Variants in ANKRD18B observed in about 807,000 individuals in gnomAD.
The protein encoded by ANKRD18B is ankyrin repeat domain-containing protein 18B.
A neutral mutation model predicts 111.8 loss-of-function variants in ANKRD18B; 75 were observed. The observed-to-expected ratio is 0.67, with a 90% CI of 0.56 to 0.81. The LOEUF (loss-of-function observed/expected upper bound fraction) is 0.81, where lower values mean the gene tolerates loss of function less well. ANKRD18B is among the 40% of genes least tolerant of loss of function. The probability of loss-of-function intolerance (pLI) is 0.00; values close to 1 mark genes in which losing one functional copy is unlikely to be tolerated. For synonymous variants in ANKRD18B, 356 were observed against 417.3 expected, an observed-to-expected ratio of 0.85 and a Z score of 1.79; for missense variants, 1,038 against 1,225.5, an observed-to-expected ratio of 0.85 and a Z score of 2.28.
At chr9:33,554,906 G>T (rs1050487893) in intron 12 of ANKRD18B, among the ~76,000 whole-genome samples, 1 of 151,834 alleles carries the variant, frequency 6.6e-6, no homozygotes, top group Non-Finnish European at 1.5e-5. Flanking sequence ...AATTGTGACA[G>T]GTTCATAACT....
chr9:33,528,890 G>A, intron 2 of ANKRD18B, 49 bp downstream of exon 2: 1 of 1,559,978 alleles, frequency 6.4e-7, no homozygotes, highest in Non-Finnish European at 8.7e-7. Context: ...TAAATACATA[G>A]AATTAAAATG....
At chr9:33,571,759 A>C (rs552739493) in intron 18 of ANKRD18B, 1 of 154,418 alleles carries the variant, frequency 6.5e-6, no homozygotes, top group South Asian at 2.0e-4. Flanking sequence ...CTCTAGCACC[A>C]AAGTGGACAG....
intron 13 of ANKRD18B, among the ~76,000 whole-genome samples, chr9:33,557,459 A>C (rs891920693): frequency 6.6e-6 from 1 of 152,244 alleles, no homozygotes; most frequent in Admixed American, 6.5e-5. Context: ...TCATCTTAGC[A>C]TACCAAAATG....
chr9:33,541,182 A>G lies in ANKRD18B; in HGVS notation c.1033A>G (p.Arg345Gly), dbSNP rs1563901890. Reference sequence around the variant, plus strand: ...TATGAAGCCTGAAAATTTGAAAAAAAGAAAAAAAAGAAAAAAATTGAAAAA... The same window carrying G: ...TATGAAGCCTGAAAATTTGAAAAAAGGAAAAAAAAGAAAAAAATTGAAAAA... The part of the protein sequence containing the change: ...AAMKPENLKK[R>G]KKRKKLKKRK... The change falls in exon 9 of 19, where the codon AGA becomes GGA. Residue 345 changes from arginine (R) to glycine (G), a missense_variant. Arg to Gly is a moderately radical substitution (Grantham distance 125). This residue lies in a region of ANKRD18B where 205 missense variants were observed against 201.3 expected (regional missense o/e 1.02). Coordinates refer to ENST00000684830, the MANE Select transcript of ANKRD18B (RefSeq NM_001393611.1). 2.6e-6 allele frequency: 4 copies of G among 1,543,940 alleles called. No homozygotes were observed. The highest frequency in any genetic ancestry group is 2.4e-5 in the South Asian group (2 of 81,902).
At chr9:33,525,444 A>C (rs1480170537) in intron 1 of ANKRD18B, among the ~76,000 whole-genome samples, 1 of 152,264 alleles carries the variant, frequency 6.6e-6, no homozygotes, top group East Asian at 1.9e-4. Flanking sequence ...TGAGTAGGAA[A>C]GGACGAGTTA....
intron 13 of ANKRD18B, 76 bp from the exon 14 acceptor site, chr9:33,557,982 C>T: frequency 7.6e-7 from 1 of 1,311,608 alleles, no homozygotes; most frequent in Non-Finnish European, 1.0e-6. Flanking sequence ...TATGCCATAA[C>T]ATAGTATCTG....
At chr9:33,526,043 T>C (rs1428058229) in intron 1 of ANKRD18B, among the ~76,000 whole-genome samples, 1 of 152,158 alleles carries the variant, frequency 6.6e-6, no homozygotes, top group Non-Finnish European at 1.5e-5. Flanking sequence ...ATCCTTAGTG[T>C]TTCTCCTAAG....
chr9:33,533,394 A>G, intron 3 of ANKRD18B, 45 bp from the exon 4 acceptor site: 4 of 1,501,372 alleles, frequency 2.7e-6, no homozygotes, highest in Non-Finnish European at 3.5e-6. Context: ...TCAGTGGAGA[A>G]ATATGTAATT....
At position 33,548,389 on chromosome 9, in the gene ANKRD18B, C is replaced by T. The variant is rs1828395243; in HGVS notation, c.1601C>T (p.Ser534Phe). ...CATGAAACAATGGGTTCTAATATTT[C>T]TCAACTAACAGATAAGAATGAGTTG... ...SRHETMGSNISQLTDKNELLT... is the reference protein window; with the variant it reads ...SRHETMGSNIFQLTDKNELLT... Residue 534 changes from serine to phenylalanine, a missense_variant, in exon 11 of 19, where the codon TCT becomes TTT. This residue lies in a region of ANKRD18B where 524 missense variants were observed against 677.9 expected (regional missense o/e 0.77). Transcript: ENST00000684830. The T allele has an allele frequency of 6.4e-7, 1 of 1,550,730 alleles. No homozygotes were observed.
At position 33,568,901 on chromosome 9, in the gene ANKRD18B, A is replaced by G; in HGVS notation, c.3177+8A>G. The G allele has an allele frequency of 6.5e-7, 1 of 1,527,340 alleles. No individual in the cohort carries two copies. Among genetic ancestry groups the G allele is most frequent in the South Asian group, 1.3e-5 (1 of 79,460 alleles). 94.6% of individuals were successfully genotyped at this position (1,527,340 alleles called of 1,614,324 possible). A position where few individuals can be genotyped will look rare whatever the true frequency, so the allele number is the denominator to read the frequency against. On this transcript the variant is annotated splice_region_variant and intron_variant, in intron 17 of 18. Transcript: ENST00000684830. The stretch of plus-strand genomic sequence containing the variant: ...AAGAACTCCTTGACTGAGGTTAGTT[A>G]TATGACCATTTCTCTTTTGGGTTTC...
intron 13 of ANKRD18B, among the ~76,000 whole-genome samples, chr9:33,556,540 T>C (rs1177397927): frequency 6.6e-6 from 1 of 152,194 alleles, no homozygotes; most frequent in Non-Finnish European, 1.5e-5. Flanking sequence ...CATGAGCCAC[T>C]GCGCTTAGCA....
At chr9:33,524,957 C>T in intron 1 of ANKRD18B, among the ~76,000 whole-genome samples, 1 of 149,146 alleles carries the variant, frequency 6.7e-6, no homozygotes, top group East Asian at 2.0e-4. Context: ...AGAACTCATT[C>T]CCATGTCAAA....
At position 33,529,046 on chromosome 9, in the gene ANKRD18B, G is replaced by A. The variant is rs745968858; in HGVS notation, c.368G>A (p.Arg123His). The A allele has an allele frequency of 3.6e-5, 58 of 1,612,092 alleles. No homozygotes were observed. The highest frequency in any genetic ancestry group is 4.2e-5 in the Non-Finnish European group (49 of 1,179,846). Reference protein sequence around the residue: ...EEACAIILLKRGANPNIKDIY... With the variant: ...EEACAIILLKHGANPNIKDIY... ...GCTTGTGCCATTATTCTCCTGAAAC[G>A]TGGCGCCAATCCAAACATTAAGGAT... is the stretch of plus-strand genomic sequence containing the variant. The change falls in exon 3 of 19, where the codon CGT becomes CAT. Residue 123 changes from arginine to histidine, a missense_variant. Arg to His is a conservative substitution (Grantham distance 29). Coordinates refer to ENST00000684830, the MANE Select transcript of ANKRD18B (RefSeq NM_001393611.1).
At chr9:33,544,464 C>CA (rs1437678609) in intron 10 of ANKRD18B, among the ~76,000 whole-genome samples, 13 of 151,956 alleles carry the variant, frequency 8.6e-5, no homozygotes, top group Non-Finnish European at 1.3e-4. Flanking sequence ...TTTGCACCTG[C>CA]AAAAAAATGT....
At chr9:33,553,828 A>G (rs1370499385) in intron 12 of ANKRD18B, among the ~76,000 whole-genome samples, 2 of 152,148 alleles carry the variant, frequency 1.3e-5, no homozygotes, top group Non-Finnish European at 2.9e-5. Flanking sequence ...CTGTAATCCC[A>G]ACACTTTGGG....
chr9:33,572,194 G>C, intron 18 of ANKRD18B, 122 bp from the exon 19 acceptor site: 1 of 723,758 alleles, frequency 1.4e-6, no homozygotes, highest in Non-Finnish European at 2.4e-6. Flanking sequence ...TATTGTAATT[G>C]CACGTACATA....
rs759018089 is a variant in ANKRD18B at position 33,529,081 on chromosome 9, A to G, written c.403A>G (p.Asn135Asp). ...ANPNIKDIYG[N>D]TALHYAVYNE... ...TCCAAACATTAAGGATATCTACGGC[A>G]ACACTGCTCTCCATTATGCCGTGTA... is the stretch of plus-strand genomic sequence containing the variant. The change falls in exon 3 of 19, where the codon AAC becomes GAC. Residue 135 changes from asparagine (N) to aspartate (D), a missense_variant. Asn to Asp is a conservative substitution (Grantham distance 23, BLOSUM62 1). Around this residue, in one of 4 missense-constraint regions of ANKRD18B, gnomAD observed 216 missense variants for 205.1 expected, o/e 1.05. Coordinates refer to ENST00000684830, the MANE Select transcript of ANKRD18B (RefSeq NM_001393611.1). The G allele has an allele frequency of 6.2e-7, 1 of 1,612,124 alleles. No individual in the cohort carries two copies. Among genetic ancestry groups the G allele is most frequent in the South Asian group, 1.1e-5 (1 of 90,984 alleles).
intron 9 of ANKRD18B, among the ~76,000 whole-genome samples, chr9:33,541,613 A>T (rs1652166120): frequency 6.6e-6 from 1 of 152,118 alleles, no homozygotes; most frequent in Non-Finnish European, 1.5e-5. Context: ...CAGGAGAATT[A>T]CTTCAGCCTA....
chr9:33,538,505 G>A (rs185054010), intron 6 of ANKRD18B, among the ~76,000 whole-genome samples: 1 of 152,316 alleles, frequency 6.6e-6, no homozygotes, highest in East Asian at 1.9e-4. Flanking sequence ...GCAGGCCAAG[G>A]AAGGCAGATC....
Sources: allele counts gnomAD v4.1 joint callset (sites outside exome capture counted in the v4.1 genomes callset), GRCh38; gene constraint gnomAD v4.1.1; regional missense constraint gnomAD v4.1.1; transcripts MANE v1.5; gene names NCBI Gene and HGNC (gene_info 2026-07-23, HGNC 2026-07-21).